The following MACROD2 variants were observed in gnomAD, a reference collection of about 807,000 sequenced individuals.
MACROD2 encodes the protein ADP-ribose glycohydrolase MACROD2.
Under a neutral mutation model 70.4 loss-of-function variants are expected in MACROD2, and 36 were observed. The observed-to-expected ratio is 0.51, with a 90% CI of 0.39 to 0.68. The LOEUF (loss-of-function observed/expected upper bound fraction) is 0.68. Among genes scored for constraint, MACROD2 ranks in the 30% least tolerant of loss-of-function variants. The pLI is 0.00. For missense variants in MACROD2, 496 were observed against 538.4 expected (o/e 0.92, Z 0.78); for synonymous variants, 172 against 178.8 (o/e 0.96, Z 0.30).
chr20:14,510,260 C>A (rs2085014454), intron 4 of MACROD2, among the ~76,000 whole-genome samples: 1 of 151,806 alleles, frequency 6.6e-6, no homozygotes, highest in Non-Finnish European at 1.5e-5. Flanking sequence ...AGCCTAATGT[C>A]AATAGAAAAC....
chr20:14,014,200 A>G (rs1283986039), intron 2 of MACROD2, among the ~76,000 whole-genome samples: 1 of 152,094 alleles, frequency 6.6e-6, no homozygotes, highest in African/African-American at 2.4e-5. Flanking sequence ...GTAGCCAGAG[A>G]CGACAACTTT....
Position 14,349,169 on chromosome 20 carries a change from A to G in MACROD2, c.272-144310A>G, listed in dbSNP as rs426348. 9.1e-3 allele frequency among the ~76,000 whole-genome samples: 1,368 copies of G among 150,612 alleles called. 18 individuals carry two copies. The highest frequency in any genetic ancestry group is 0.032 in the African/African-American group (1,300 of 41,112). On this transcript the variant is annotated intron_variant, in intron 3 of 17. Coordinates refer to ENST00000684519, the MANE Select transcript of MACROD2 (RefSeq NM_001351661.2). The stretch of plus-strand genomic sequence containing the variant: ...GTGGTTTAAAGCCTTTCAAATATTT[A>G]CAACTTGTACCTATATACAAACTTT...
intron 5 of MACROD2, among the ~76,000 whole-genome samples, chr20:14,700,202 T>C (rs1300653343): frequency 2.6e-5 from 4 of 152,116 alleles, no homozygotes; most frequent in Non-Finnish European, 5.9e-5. Context: ...CCATATTTTG[T>C]GTGTGTGTCT....
intron 6 of MACROD2, among the ~76,000 whole-genome samples, chr20:15,237,538 T>G (rs947358242): frequency 3.3e-5 from 5 of 152,212 alleles, no homozygotes; most frequent in Non-Finnish European, 7.3e-5. Context: ...ATGTGTTGTT[T>G]TCATTTGGCT....
intron 8 of MACROD2, among the ~76,000 whole-genome samples, chr20:15,538,861 A>G (rs2047913980): frequency 6.6e-6 from 1 of 152,236 alleles, no homozygotes; most frequent in East Asian, 1.9e-4. Flanking sequence ...TTGGATAGCA[A>G]TGGATTAAAT....
At chr20:14,905,005 A>T (rs541139342) in intron 5 of MACROD2, 3 of 152,258 alleles carry the variant, frequency 2.0e-5, no homozygotes, top group African/African-American at 7.2e-5. Context: ...TCGGCCCTTA[A>T]TATGTACAAG....
chr20:14,620,866 G>A (rs1983788293), intron 4 of MACROD2, among the ~76,000 whole-genome samples: 1 of 151,968 alleles, frequency 6.6e-6, no homozygotes, highest in African/African-American at 2.4e-5. Flanking sequence ...ATATTTTAAA[G>A]GGAAGATTCT....
chr20:15,888,365 A>C (rs940666687), intron 10 of MACROD2, among the ~76,000 whole-genome samples: 1 of 152,212 alleles, frequency 6.6e-6, no homozygotes, highest in Admixed American at 6.5e-5. Context: ...ATTCTCATTT[A>C]TCCTGCTCAC....
intron 5 of MACROD2, among the ~76,000 whole-genome samples, chr20:14,883,538 AT>A (rs1568852755): frequency 6.6e-6 from 1 of 151,968 alleles, no homozygotes; most frequent in African/African-American, 2.4e-5. Context: ...CTTTAATCCC[AT>A]TCACATTCCA....
At chr20:14,944,998 A>G (rs544789038) in intron 5 of MACROD2, among the ~76,000 whole-genome samples, 13 of 152,286 alleles carry the variant, frequency 8.5e-5, no homozygotes, top group African/African-American at 2.9e-4. Flanking sequence ...GTTTTCCTGC[A>G]CAAATCCAGC....
intron 2 of MACROD2, among the ~76,000 whole-genome samples, chr20:14,049,190 C>CAAAAAAAAA (rs1182272964): frequency 7.4e-6 from 1 of 134,838 alleles, no homozygotes; most frequent in Non-Finnish European, 1.6e-5. Context: ...AAAAAAAAAA[C>CAAAAAAAAA]AAAAAAACAA....
chr20:15,892,597 G>T (rs1230700038), intron 10 of MACROD2, among the ~76,000 whole-genome samples: 2 of 152,160 alleles, frequency 1.3e-5, no homozygotes. Flanking sequence ...GATTGAAATC[G>T]AACACTCTTG....
chr20:14,224,874 CTG>C (rs1266722663), intron 3 of MACROD2, among the ~76,000 whole-genome samples: 5 of 152,206 alleles, frequency 3.3e-5, no homozygotes, highest in African/African-American at 1.2e-4. Context: ...GAATAGCTGT[CTG>C]TAGAATTGCT....
intron 3 of MACROD2, among the ~76,000 whole-genome samples, chr20:14,151,459 A>G (rs1689926856): frequency 6.6e-6 from 1 of 152,214 alleles, no homozygotes; most frequent in Admixed American, 6.5e-5. Context: ...GACCCAGGTA[A>G]GAATTTGGCA....
chr20:15,151,975 G>T (rs904257930), intron 5 of MACROD2, among the ~76,000 whole-genome samples: 1 of 151,942 alleles, frequency 6.6e-6, no homozygotes, highest in Admixed American at 6.6e-5. Flanking sequence ...TTGGGGTTGG[G>T]ACTGAGGGGA....
chr20:14,736,090 G>A (rs1429127771), intron 5 of MACROD2, among the ~76,000 whole-genome samples: 1 of 152,058 alleles, frequency 6.6e-6, no homozygotes, highest in African/African-American at 2.4e-5. Flanking sequence ...TCCATCATTT[G>A]ATGAATGGAT....
intron 3 of MACROD2, among the ~76,000 whole-genome samples, chr20:14,206,345 G>C (rs1255966475): frequency 6.6e-6 from 1 of 152,154 alleles, no homozygotes; most frequent in Non-Finnish European, 1.5e-5. Flanking sequence ...GAGAGTCTCA[G>C]CATTTTATCT....
intron 3 of MACROD2, among the ~76,000 whole-genome samples, chr20:14,363,549 G>A (rs533023174): frequency 9.7e-4 from 147 of 152,166 alleles, no homozygotes; most frequent in Middle Eastern, 3.4e-3. Flanking sequence ...GGCCGGGCGC[G>A]GTGGCTCACG....
intron 5 of MACROD2, among the ~76,000 whole-genome samples, chr20:15,030,670 T>C (rs187196378): frequency 6.6e-6 from 1 of 150,874 alleles, no homozygotes; most frequent in African/African-American, 2.5e-5. Context: ...GATAGACAGA[T>C]AGATAGATAG....
Sources: allele counts gnomAD v4.1 joint callset (sites outside exome capture counted in the v4.1 genomes callset), GRCh38; gene constraint gnomAD v4.1.1; transcripts MANE v1.5; gene names NCBI Gene and HGNC (gene_info 2026-07-23, HGNC 2026-07-21).